Variants in SPEF2 observed in about 807,000 individuals in gnomAD.
SPEF2 encodes the protein sperm flagellar and cilia associated 2.
SPEF2 carries 187 observed loss-of-function variants against 224.6 expected under a neutral mutation model. The ratio of observed to expected loss-of-function variants is 0.83; its 90% confidence interval spans 0.74 to 0.94. The LOEUF is 0.94. SPEF2 is among the 40% of genes least tolerant of loss of function. SPEF2 has a pLI of 0.00. For synonymous variants in SPEF2, 715 were observed against 707.3 expected, an observed-to-expected ratio of 1.01 and a Z score of -0.17; for missense variants, 2,170 against 2,135.6, an observed-to-expected ratio of 1.02 and a Z score of -0.32.
In SPEF2 at chr5:35,667,265, TA is replaced by T. The variant is rs779485222; in HGVS notation, c.1355+7del. 7.5e-6 allele frequency: 12 copies of T among 1,591,804 alleles called. No individual in the cohort carries two copies. The East Asian group carries it at 2.0e-4, about 27-fold the overall frequency. On this transcript the variant is annotated splice_region_variant and intron_variant, in intron 9 of 36. Transcript: ENST00000356031. ...TATCGAATGTTGACAAATAAGTAAG[TA>T]TTTTTTTTGTAATAACAGTAGAGAC...
chr5:35,786,639 C>T (rs573387510), intron 30 of SPEF2, among the ~76,000 whole-genome samples: 14 of 151,802 alleles, frequency 9.2e-5, no homozygotes, highest in South Asian at 2.1e-4. Flanking sequence ...CAGCCCTGGG[C>T]GACAGCGGGA....
intron 1 of SPEF2, among the ~76,000 whole-genome samples, chr5:35,621,555 A>C (rs1743512159): frequency 6.6e-6 from 1 of 152,152 alleles, no homozygotes; most frequent in Admixed American, 6.6e-5. Flanking sequence ...TCTTTTTATA[A>C]GGATTATTTT....
chr5:35,703,562 G>A lies in SPEF2; in HGVS notation c.2399-992G>A, dbSNP rs1739134241. On this transcript the variant is annotated intron_variant, in intron 16 of 36. Coordinates refer to ENST00000356031, the MANE Select transcript of SPEF2 (RefSeq NM_024867.4). ...CATTGGCCATGGTACAGAGTACCAC[G>A]AGTGAAGGGAAGGGGAAGGAGCACT... Among the ~76,000 whole-genome samples, 2 of 151,904 alleles carry A rather than the reference G, an allele frequency of 1.3e-5. 1 individual carries two copies. The highest frequency in any genetic ancestry group is 4.2e-4 in the South Asian group (2 of 4,816).
chr5:35,637,522 A>G (rs1444999975), intron 2 of SPEF2, among the ~76,000 whole-genome samples: 1 of 152,178 alleles, frequency 6.6e-6, no homozygotes, highest in Non-Finnish European at 1.5e-5. Flanking sequence ...CTAGAGGTGA[A>G]TTATTCTTTC....
intron 2 of SPEF2, among the ~76,000 whole-genome samples, chr5:35,632,297 A>G (rs1745248371): frequency 2.0e-5 from 3 of 152,244 alleles, no homozygotes; most frequent in African/African-American, 7.2e-5. Flanking sequence ...CAGGAAACTT[A>G]CAATCATGGC....
At chr5:35,757,459 G>T (rs56345129) in intron 24 of SPEF2, among the ~76,000 whole-genome samples, 41,591 of 151,964 alleles carry the variant, frequency 0.27, 5,871 homozygotes, top group African/African-American at 0.33. Context: ...ATAATACAAT[G>T]CTATGGTTTA....
At chr5:35,792,484 C>T in intron 31 of SPEF2, 38 bp downstream of exon 31, 1 of 1,556,600 alleles carries the variant, frequency 6.4e-7, no homozygotes, top group Non-Finnish European at 8.8e-7. Context: ...AAGCTTTAAG[C>T]ATTCTTATTT....
At chr5:35,694,215 G>T (rs1754949639) in intron 12 of SPEF2, 73 bp from the exon 13 acceptor site, 1 of 1,117,856 alleles carries the variant, frequency 8.9e-7, no homozygotes, top group South Asian at 1.4e-5. Flanking sequence ...TTTACTTATA[G>T]ATATAAAATT....
chr5:35,700,641 A>G lies in SPEF2; in HGVS notation c.2287A>G (p.Ile763Val). ...AAAAGCACAAAAATCCACATTGGCT[A>G]TTGATCCTGCGACTTCCAAAGAAAT... ...RKKAQKSTLA[I>V]DPATSKEIPL... Residue 763 changes from isoleucine (I) to valine (V), a missense_variant, in exon 16 of 37, where the codon ATT becomes GTT. Transcript: ENST00000356031. 6.2e-7 allele frequency: 1 copy of G among 1,614,038 alleles called. No homozygotes were observed. The highest frequency in any genetic ancestry group is 8.5e-7 in the Non-Finnish European group (1 of 1,179,952).
At chr5:35,656,811 T>G (rs1749023978) in intron 7 of SPEF2, among the ~76,000 whole-genome samples, 1 of 152,242 alleles carries the variant, frequency 6.6e-6, no homozygotes, top group African/African-American at 2.4e-5. Flanking sequence ...GCTCTATATA[T>G]TTCCATCACA....
chr5:35,620,384 T>C (rs1357107823), intron 1 of SPEF2, among the ~76,000 whole-genome samples: 1 of 152,140 alleles, frequency 6.6e-6, no homozygotes, highest in Non-Finnish European at 1.5e-5. Context: ...TTTGGACAAG[T>C]TATTTACCTA....
At chr5:35,764,830 C>T (rs960658503) in intron 26 of SPEF2, 16 of 408,028 alleles carry the variant, frequency 3.9e-5, no homozygotes, top group Middle Eastern at 9.1e-4. Flanking sequence ...TTGTTCTCCC[C>T]GCTTATTTCT....
Position 35,691,160 on chromosome 5 carries a change from TCAA to T in SPEF2, c.1654_1656del (p.Thr552del), listed in dbSNP as rs1305402595. 2 of 1,614,108 alleles carry T rather than the reference TCAA, an allele frequency of 1.2e-6. No homozygotes were observed. The highest frequency in any genetic ancestry group is 2.7e-5 in the African/African-American group (2 of 75,048). On this transcript the variant is annotated inframe_deletion, in exon 11 of 37. Coordinates refer to ENST00000356031, the MANE Select transcript of SPEF2 (RefSeq NM_024867.4). ...AAAATCTCTTCCTCCTCGAGCGGAA[TCAA>T]CAACACCTGAATTACCTTCATTTGC... is the stretch of plus-strand genomic sequence containing the variant.
intron 25 of SPEF2, 103 bp downstream of exon 25, chr5:35,759,822 T>C (rs1750973582): frequency 5.9e-6 from 7 of 1,190,952 alleles, no homozygotes; most frequent in East Asian, 5.1e-5. Context: ...TATCTGCAAA[T>C]CTAAGATCCA....
intron 26 of SPEF2, among the ~76,000 whole-genome samples, chr5:35,769,988 A>ATCTGT (rs1752570067): frequency 1.7e-5 from 1 of 59,272 alleles, no homozygotes; most frequent in Non-Finnish European, 3.2e-5. Flanking sequence ...CTGCCTCCAT[A>ATCTGT]ATGTGTGTGT....
chr5:35,790,537 A>G, intron 30 of SPEF2: 1 of 408,462 alleles, frequency 2.4e-6, no homozygotes, highest in Non-Finnish European at 4.3e-6. Context: ...CATACAGAGT[A>G]AAAAGCCCAA....
intron 20 of SPEF2, among the ~76,000 whole-genome samples, chr5:35,718,383 C>G (rs187455189): frequency 1.3e-5 from 2 of 152,232 alleles, no homozygotes; most frequent in East Asian, 3.9e-4. Context: ...AAAGGAGTCC[C>G]AGGGGGTCAG....
intron 27 of SPEF2, among the ~76,000 whole-genome samples, chr5:35,772,877 T>C (rs1423169513): frequency 6.6e-6 from 1 of 152,216 alleles, no homozygotes; most frequent in Non-Finnish European, 1.5e-5. Flanking sequence ...TTGTTTACAG[T>C]ATCTTCTCTA....
chr5:35,741,948 T>C (rs915205935), intron 23 of SPEF2, among the ~76,000 whole-genome samples: 1 of 152,228 alleles, frequency 6.6e-6, no homozygotes, highest in African/African-American at 2.4e-5. Flanking sequence ...TTATTTGGGA[T>C]TTCCTTTTTC....
Sources: gnomAD v4.1 joint callset for allele counts (sites outside exome capture counted in the v4.1 genomes callset) on GRCh38, gnomAD v4.1.1 for gene constraint, MANE v1.5 for transcripts, NCBI Gene and HGNC (gene_info 2026-07-23, HGNC 2026-07-21) for gene names.